SLC1A6: variants seen among roughly 807,000 people sequenced by gnomAD.
The protein encoded by SLC1A6 is excitatory amino acid transporter 4.
A neutral mutation model predicts 42.1 loss-of-function variants in SLC1A6; 15 were observed. The observed-to-expected ratio is 0.36, with a 90% confidence interval of 0.24 to 0.55. The LOEUF is 0.55. Among genes scored for constraint, SLC1A6 ranks in the 20% least tolerant of loss-of-function variants. The pLI is 0.88. For synonymous variants in SLC1A6, 317 were observed against 319.7 expected, an observed-to-expected ratio of 0.99 and a Z score of 0.09; for missense variants, 542 against 772.5, an observed-to-expected ratio of 0.70 and a Z score of 3.54.
chr19:14,972,993 G>A (rs1198128548), intron 1 of SLC1A6, 76 bp from the exon 2 acceptor site: 18 of 1,158,708 alleles, frequency 1.6e-5, no homozygotes, highest in South Asian at 1.6e-5. Context: ...CGAAGGCTGC[G>A]AAGGGTAATG....
intron 1 of SLC1A6, among the ~76,000 whole-genome samples, chr19:14,987,414 G>C (rs1161519407): frequency 6.6e-6 from 1 of 151,924 alleles, no homozygotes; most frequent in African/African-American, 2.4e-5. Context: ...GTTGCAGTGA[G>C]CTGAGATCGC....
chr19:14,953,071 G>A lies in SLC1A6; in HGVS notation c.1365-9C>T. 6.2e-7 allele frequency: 1 copy of A among 1,611,462 alleles called. No individual in the cohort carries two copies. Among genetic ancestry groups the A allele is most frequent in the Non-Finnish European group, 8.5e-7 (1 of 1,178,162 alleles). On this transcript the variant is annotated splice_polypyrimidine_tract_variant and intron_variant, in intron 8 of 9. Transcript: ENST00000594383. ...CTGCTGTGGCCGTGATGCTGCAGGG[G>A]GAGGGAGAACATGGGGAGCAGATGG...
At chr19:14,990,289 C>A (rs2045813116) in intron 1 of SLC1A6, among the ~76,000 whole-genome samples, 1 of 151,992 alleles carries the variant, frequency 6.6e-6, no homozygotes, top group Non-Finnish European at 1.5e-5. Flanking sequence ...TTTGATGAAC[C>A]TGGAGAACAT....
intron 9 of SLC1A6, among the ~76,000 whole-genome samples, chr19:14,951,633 C>T (rs1001926040): frequency 2.6e-5 from 4 of 152,108 alleles, no homozygotes; most frequent in African/African-American, 9.7e-5. Context: ...TCTCCTGTCT[C>T]AGCCTCCTGA....
At chr19:15,004,142 C>T (rs1356178158) in intron 1 of SLC1A6, among the ~76,000 whole-genome samples, 1 of 151,916 alleles carries the variant, frequency 6.6e-6, no homozygotes, top group South Asian at 2.1e-4. Context: ...AGCAACAGAG[C>T]AAGACTCTGT....
intron 1 of SLC1A6, among the ~76,000 whole-genome samples, chr19:14,987,360 G>A (rs1350718353): frequency 1.3e-5 from 2 of 151,712 alleles, no homozygotes; most frequent in African/African-American, 2.4e-5. Context: ...CCAGCTACTC[G>A]GGAGGCTGAG....
exon 1 of SLC1A6, chr19:15,010,592 GCT>G (rs1348418701): frequency 1.4e-5 from 9 of 648,124 alleles, no homozygotes; most frequent in Non-Finnish European, 2.8e-6. Flanking sequence ...TGCTAGATGG[GCT>G]CTTTCTCAAG....
chr19:14,988,427 C>T (rs1302922820), intron 1 of SLC1A6, among the ~76,000 whole-genome samples: 1 of 152,146 alleles, frequency 6.6e-6, no homozygotes, highest in Non-Finnish European at 1.5e-5. Context: ...CTCTGTGAAA[C>T]CTTATGTTCA....
rs114036681 is a variant in SLC1A6, at chr19:15,000,152, G to T, written c.6+10333C>A. Among the ~76,000 whole-genome samples, 1,123 of 152,262 alleles carry T rather than the reference G, an allele frequency of 7.4e-3. 11 individuals carry two copies. Among genetic ancestry groups the T allele is most frequent in the African/African-American group, 0.025 (1,026 of 41,534 alleles). ...GCATGTTTAAGGTAGATGAGGCTAA[G>T]CTATGGTGTTCAGTAGGTTATATGT... On this transcript the variant is annotated intron_variant, in intron 1 of 8. Coordinates refer to the SLC1A6 transcript ENST00000430939.
chr19:14,996,513 C>CT, intron 1 of SLC1A6, among the ~76,000 whole-genome samples: 1 of 147,490 alleles, frequency 6.8e-6, no homozygotes, highest in East Asian at 2.0e-4. Flanking sequence ...CCTCCTCCTC[C>CT]CTCTCCTCCT....
At chr19:14,985,907 G>A (rs1266495293) in intron 1 of SLC1A6, among the ~76,000 whole-genome samples, 4 of 151,488 alleles carry the variant, frequency 2.6e-5, no homozygotes, top group Admixed American at 2.0e-4. Context: ...GCAGTGAGCC[G>A]AGATCACACC....
intron 4 of SLC1A6, among the ~76,000 whole-genome samples, chr19:14,966,719 C>T (rs1293363614): frequency 6.6e-6 from 1 of 152,108 alleles, no homozygotes; most frequent in Admixed American, 6.6e-5. Flanking sequence ...AGTTCATGTC[C>T]TTTGCAGGGA....
Position 14,950,173 on chromosome 19 carries a change from G to A in SLC1A6, c.*22C>T, listed in dbSNP as rs540230769. ...CCCCAGCCCCCTTCCCTCCTCTCTG[G>A]GGGGGCAGAGCTGGAGGCCCCTCAC... On this transcript the variant is annotated 3_prime_UTR_variant, in exon 10 of 10. Coordinates refer to ENST00000594383, the MANE Select transcript of SLC1A6 (RefSeq NM_005071.3). 4 of 1,424,816 alleles carry A rather than the reference G, an allele frequency of 2.8e-6. No individual in the cohort carries two copies. Among genetic ancestry groups the A allele is most frequent in the African/African-American group, 3.5e-5 (2 of 57,462 alleles). The allele number at this position is 1,424,816 out of a possible 1,614,324, so 88.3% of individuals were successfully genotyped here.
intron 1 of SLC1A6, among the ~76,000 whole-genome samples, chr19:14,988,570 A>G (rs1204501673): frequency 6.6e-6 from 1 of 152,240 alleles, no homozygotes; most frequent in East Asian, 1.9e-4. Flanking sequence ...GGAAATGCAA[A>G]TTAAAACCAC....
intron 1 of SLC1A6, among the ~76,000 whole-genome samples, chr19:15,003,400 C>A (rs113754295): frequency 5.7e-4 from 87 of 152,320 alleles, no homozygotes; most frequent in African/African-American, 2.0e-3. Flanking sequence ...GAAGCACCTC[C>A]TCTCCCAGCC....
intron 6 of SLC1A6, among the ~76,000 whole-genome samples, chr19:14,958,084 G>A (rs1300591419): frequency 1.3e-5 from 2 of 152,120 alleles, no homozygotes; most frequent in East Asian, 3.9e-4. Context: ...ATCTCATTTC[G>A]AGGCTTCAAT....
At chr19:14,971,653 CA>C in intron 3 of SLC1A6, 83 bp downstream of exon 3, 4 of 1,379,636 alleles carry the variant, frequency 2.9e-6, no homozygotes, top group Non-Finnish European at 4.1e-6. Flanking sequence ...GAAGTGGTCC[CA>C]TGCTTGGGAT....
chr19:14,955,723 C>G (rs1196835528), intron 7 of SLC1A6, among the ~76,000 whole-genome samples: 5 of 151,968 alleles, frequency 3.3e-5, no homozygotes, highest in South Asian at 2.1e-4. Flanking sequence ...TCACATGAGG[C>G]CAGGTGTTCG....
chr19:14,961,779 C>T (rs894305220), intron 6 of SLC1A6: 64 of 563,952 alleles, frequency 1.1e-4, no homozygotes, highest in Non-Finnish European at 1.8e-4. Context: ...ATGAACTAAC[C>T]AATGCATAGA....
Sources: gnomAD v4.1 joint callset for allele counts (sites outside exome capture counted in the v4.1 genomes callset) on GRCh38, gnomAD v4.1.1 for gene constraint, MANE v1.5 for transcripts, NCBI Gene and HGNC (gene_info 2026-07-23, HGNC 2026-07-21) for gene names.